CACNA2D1: variants seen among roughly 807,000 people sequenced by gnomAD.
CACNA2D1 encodes the protein voltage-dependent calcium channel subunit alpha-2/delta-1.
Under a neutral mutation model 171.5 loss-of-function variants are expected in CACNA2D1, and 53 were observed. The observed-to-expected ratio is 0.31, with a 90% confidence interval of 0.25 to 0.39. CACNA2D1 has a LOEUF of 0.39. CACNA2D1 is among the 10% of genes least tolerant of loss of function. The pLI is 1.00. For synonymous variants in CACNA2D1, 442 were observed against 443.1 expected (o/e 1.00, Z 0.03); for missense variants, 903 against 1,299.8 (o/e 0.69, Z 4.69).
chr7:81,999,611 A>G (rs1242219117), intron 18 of CACNA2D1, among the ~76,000 whole-genome samples: 1 of 152,216 alleles, frequency 6.6e-6, no homozygotes, highest in Non-Finnish European at 1.5e-5. Context: ...CTTAGAATGA[A>G]AACAAAAATA....
intron 11 of CACNA2D1, among the ~76,000 whole-genome samples, chr7:82,037,835 A>T (rs1803495616): frequency 6.6e-6 from 1 of 152,194 alleles, no homozygotes; most frequent in Admixed American, 6.5e-5. Flanking sequence ...TTCCTTATAA[A>T]TTTTTTTAAA....
chr7:82,425,867 T>G (rs185896858), intron 1 of CACNA2D1, among the ~76,000 whole-genome samples: 108 of 151,186 alleles, frequency 7.1e-4, no homozygotes, highest in African/African-American at 2.5e-3. Flanking sequence ...GGTGGCTCAC[T>G]CCTGTAATCC....
Position 81,960,954 on chromosome 7 carries a change from G to C in CACNA2D1, c.2966+940C>G, listed in dbSNP as rs1360153051. On this transcript the variant is annotated intron_variant, in intron 36 of 38. Coordinates refer to ENST00000356860, the MANE Select transcript of CACNA2D1 (RefSeq NM_000722.4). ...ACTCTACCTCCTCCTTGGAGATAGA[G>C]GTCTGCTAAAGAAAGTCATAAAACA... 2.0e-5 allele frequency among the ~76,000 whole-genome samples: 3 copies of C among 151,752 alleles called. No individual in the cohort carries two copies. In the East Asian group the frequency reaches 5.8e-4, roughly 29 times the overall value.
At chr7:82,268,012 CA>C (rs922228082) in intron 3 of CACNA2D1, among the ~76,000 whole-genome samples, 5 of 151,728 alleles carry the variant, frequency 3.3e-5, no homozygotes, top group Admixed American at 2.6e-4. Context: ...CAAAACAAAA[CA>C]AAAAAACCTA....
rs541762503 is a variant in CACNA2D1, at chr7:82,095,912, CTTTT to C, written c.527-11016_527-11013del. On this transcript the variant is annotated intron_variant, in intron 6 of 38. Transcript: ENST00000356860. ...TTCAAGTTCTGTGATAAAATCACCC[CTTTT>C]AATGGAGATGTTCTGAAGAGCGTGG... 1.2e-4 allele frequency among the ~76,000 whole-genome samples: 18 copies of C among 152,236 alleles called. No homozygotes were observed. The South Asian group carries it at 3.3e-3, about 28-fold the overall frequency.
chr7:82,103,151 T>C (rs554699253), intron 6 of CACNA2D1, among the ~76,000 whole-genome samples: 1 of 151,894 alleles, frequency 6.6e-6, no homozygotes, highest in South Asian at 2.1e-4. Context: ...CTACTAAAAA[T>C]ACAAAAATTA....
chr7:82,137,135 A>G (rs1791715982), intron 4 of CACNA2D1, among the ~76,000 whole-genome samples: 1 of 152,232 alleles, frequency 6.6e-6, no homozygotes, highest in Non-Finnish European at 1.5e-5. Context: ...AAATTTACTC[A>G]TGGAGTCAGA....
At chr7:82,035,152 G>A (rs1249925333) in intron 11 of CACNA2D1, among the ~76,000 whole-genome samples, 3 of 151,950 alleles carry the variant, frequency 2.0e-5, no homozygotes, top group African/African-American at 7.2e-5. Flanking sequence ...CTGTGTGCCA[G>A]TATATAGCAC....
chr7:82,281,409 G>C (rs1453582347), intron 3 of CACNA2D1, among the ~76,000 whole-genome samples: 2 of 152,174 alleles, frequency 1.3e-5, no homozygotes, highest in Admixed American at 6.5e-5. Flanking sequence ...TGGACTCACT[G>C]TTCAAGAGAC....
At chr7:82,240,004 C>A (rs889389818) in intron 3 of CACNA2D1, among the ~76,000 whole-genome samples, 1 of 152,142 alleles carries the variant, frequency 6.6e-6, no homozygotes, top group African/African-American at 2.4e-5. Context: ...AATGTAGATG[C>A]TATTTGCTTA....
At position 81,965,597 on chromosome 7, in the gene CACNA2D1, AT is replaced by A; in HGVS notation, c.2570del (p.Asn857IlefsTer14). Reference protein sequence around the residue: ...LLMANHDDYTNQIGRFFGEID... With the variant: ...LLMANHDDYTXQIGRFFGEID... ...CCCTCTTATTTGAGGTACATACCTG[AT>A]TAGTATAATCATCATGATTTGCCAT... On this transcript the variant is annotated frameshift_variant, in exon 32 of 39. Coordinates refer to ENST00000356860, the MANE Select transcript of CACNA2D1 (RefSeq NM_000722.4). LOFTEE classifies it high-confidence loss of function. 1 of 1,531,316 alleles carries A rather than the reference AT, an allele frequency of 6.5e-7. No homozygotes were observed. The highest frequency in any genetic ancestry group is 9.0e-7 in the Non-Finnish European group (1 of 1,105,300). The allele number at this position is 1,531,316 out of a possible 1,614,324, so 94.9% of individuals were successfully genotyped here. A position where few individuals can be genotyped will look rare whatever the true frequency, so the allele number is the denominator to read the frequency against.
chr7:81,991,564 T>C (rs2130744203), intron 20 of CACNA2D1, among the ~76,000 whole-genome samples: 1 of 152,322 alleles, frequency 6.6e-6, no homozygotes, highest in South Asian at 2.1e-4. Context: ...CTCGGATATG[T>C]CCATACTAAA....
chr7:82,300,477 G>A (rs1812860319), intron 3 of CACNA2D1, among the ~76,000 whole-genome samples: 1 of 152,074 alleles, frequency 6.6e-6, no homozygotes, highest in African/African-American at 2.4e-5. Context: ...TAAAAGCCAT[G>A]AGTAATTCAT....
intron 28 of CACNA2D1, among the ~76,000 whole-genome samples, chr7:81,969,408 A>G (rs1795040140): frequency 6.6e-6 from 1 of 151,386 alleles, no homozygotes; most frequent in Non-Finnish European, 1.5e-5. Flanking sequence ...AAATGAAGGT[A>G]AATACTACCT....
At chr7:82,412,068 T>A (rs918696804) in intron 1 of CACNA2D1, among the ~76,000 whole-genome samples, 2 of 152,126 alleles carry the variant, frequency 1.3e-5, no homozygotes, top group African/African-American at 4.8e-5. Flanking sequence ...TTTTTAAATA[T>A]AAACTTTGAT....
At chr7:82,251,101 G>A (rs984948713) in intron 3 of CACNA2D1, among the ~76,000 whole-genome samples, 2 of 152,064 alleles carry the variant, frequency 1.3e-5, no homozygotes, top group Admixed American at 1.3e-4. Flanking sequence ...ACATAATAAT[G>A]AATGCTGTTC....
intron 7 of CACNA2D1, among the ~76,000 whole-genome samples, chr7:82,071,428 C>A (rs57864977): frequency 0.011 from 1,646 of 152,180 alleles, 32 homozygotes; most frequent in African/African-American, 0.037. Context: ...AGTTACCCAG[C>A]AGACATGACC....
chr7:81,970,770 A>G (rs763253721), intron 26 of CACNA2D1, 33 bp from the exon 27 acceptor site: 22 of 1,339,644 alleles, frequency 1.6e-5, no homozygotes, highest in Admixed American at 1.5e-4. Flanking sequence ...GAAATGTTCT[A>G]TTGAACATAT....
intron 3 of CACNA2D1, among the ~76,000 whole-genome samples, chr7:82,183,080 T>C (rs188399206): frequency 2.7e-5 from 4 of 149,942 alleles, no homozygotes; most frequent in East Asian, 3.9e-4. Flanking sequence ...GTAGATAAAA[T>C]CAACAAAACT....
Sources: allele counts gnomAD v4.1 joint callset (sites outside exome capture counted in the v4.1 genomes callset), GRCh38; gene constraint gnomAD v4.1.1; transcripts MANE v1.5; gene names NCBI Gene and HGNC (gene_info 2026-07-23, HGNC 2026-07-21).